PRKN: variants seen among roughly 807,000 people sequenced by gnomAD.
The protein encoded by PRKN is parkin RBR E3 ubiquitin protein ligase.
Under a neutral mutation model 59.5 loss-of-function variants are expected in PRKN, and 56 were observed. That is an observed-to-expected ratio of 0.94 (90% CI 0.76 to 1.18). PRKN has a LOEUF of 1.18. PRKN is among the 50% of genes most tolerant of loss of function. The pLI is 0.00. For synonymous variants in PRKN, 250 were observed against 222.1 expected (o/e 1.13, Z -1.12); for missense variants, 657 against 596.4 (o/e 1.10, Z -1.06).
At chr6:161,687,610 C>A (rs1487944876) in intron 7 of PRKN, among the ~76,000 whole-genome samples, 3 of 150,310 alleles carry the variant, frequency 2.0e-5, no homozygotes, top group African/African-American at 4.9e-5. Flanking sequence ...GCGCGAACCA[C>A]CACGCCCGGC....
intron 3 of PRKN, among the ~76,000 whole-genome samples, chr6:162,220,002 T>C (rs1330510936): frequency 1.3e-5 from 2 of 152,080 alleles, no homozygotes; most frequent in Non-Finnish European, 2.9e-5. Context: ...ATTAAAATTG[T>C]TTCATCAGCA....
Position 161,609,949 on chromosome 6 carries a change from T to C in PRKN, c.872-40533A>G, listed in dbSNP as rs1479795305. Among the ~76,000 whole-genome samples, 6 of 152,198 alleles carry C rather than the reference T, an allele frequency of 3.9e-5. 1 individual carries two copies. The highest frequency in any genetic ancestry group is 3.8e-4 in the East Asian group (2 of 5,198). ...TAATTAGCTATGAGACTGTTCCCCA[T>C]AGTTTACAAAGAAAAGTCATTGATA... On this transcript the variant is annotated intron_variant, in intron 7 of 11. Transcript: ENST00000366898.
intron 2 of PRKN, among the ~76,000 whole-genome samples, chr6:162,394,038 G>A (rs1303213480): frequency 6.6e-6 from 1 of 152,078 alleles, no homozygotes. Flanking sequence ...ATTTTCAAAA[G>A]TATCCAAAAT....
In PRKN at chr6:162,280,296, T is replaced by C. The variant is rs564607174; in HGVS notation, c.172-17531A>G. On this transcript the variant is annotated intron_variant, in intron 2 of 11. Transcript: ENST00000366898. ...TCCTGAATGACTACTGGGTAAGTTATGAAATTAAGGCAGAAATAACAAAGT... is the reference window on the plus strand; with the variant it reads ...TCCTGAATGACTACTGGGTAAGTTACGAAATTAAGGCAGAAATAACAAAGT... Among the ~76,000 whole-genome samples, 23 of 152,192 alleles carry C rather than the reference T, an allele frequency of 1.5e-4. No individual in the cohort carries two copies. In the South Asian group the frequency reaches 4.6e-3, roughly 30 times the overall value.
intron 1 of PRKN, among the ~76,000 whole-genome samples, chr6:162,720,317 G>T (rs1028181802): frequency 1.3e-5 from 2 of 152,062 alleles, no homozygotes; most frequent in African/African-American, 2.4e-5. Context: ...CCAAAGTTAA[G>T]GGCTCTCATG....
chr6:162,455,671 C>T (rs187401749), intron 1 of PRKN, among the ~76,000 whole-genome samples: 2 of 152,190 alleles, frequency 1.3e-5, no homozygotes, highest in East Asian at 3.9e-4. Context: ...CTCCTATTGG[C>T]TGTCTGATTT....
At chr6:161,738,722 C>T (rs945657116) in intron 7 of PRKN, among the ~76,000 whole-genome samples, 1 of 152,094 alleles carries the variant, frequency 6.6e-6, no homozygotes, top group African/African-American at 2.4e-5. Context: ...GTTCTACATC[C>T]GTCTTAGACC....
chr6:162,256,673 G>T (rs1478981218), intron 3 of PRKN, among the ~76,000 whole-genome samples: 1 of 152,158 alleles, frequency 6.6e-6, no homozygotes, highest in Non-Finnish European at 1.5e-5. Flanking sequence ...AAGAGTAAAA[G>T]ATGTAAATGA....
At chr6:162,428,637 T>C (rs952298636) in intron 2 of PRKN, among the ~76,000 whole-genome samples, 4 of 152,176 alleles carry the variant, frequency 2.6e-5, no homozygotes, top group African/African-American at 9.7e-5. Flanking sequence ...CAATTTTCTC[T>C]TTCCCTTGCA....
chr6:162,669,797 T>C (rs951082223), intron 1 of PRKN, among the ~76,000 whole-genome samples: 1 of 152,200 alleles, frequency 6.6e-6, no homozygotes, highest in Non-Finnish European at 1.5e-5. Flanking sequence ...TGGAATTCCA[T>C]AATCTCTTAC....
chr6:162,658,182 T>A (rs1778724370), intron 1 of PRKN, among the ~76,000 whole-genome samples: 2 of 152,182 alleles, frequency 1.3e-5, no homozygotes. Context: ...TTTCTTACAA[T>A]ATATTCTACT....
intron 2 of PRKN, among the ~76,000 whole-genome samples, chr6:162,427,608 CA>C (rs1477202087): frequency 6.6e-6 from 1 of 151,296 alleles, no homozygotes; most frequent in Admixed American, 6.6e-5. Context: ...TGCAAATTAG[CA>C]GTATTCCATA....
chr6:161,559,657 T>C (rs923219179), intron 8 of PRKN, among the ~76,000 whole-genome samples: 2 of 152,148 alleles, frequency 1.3e-5, no homozygotes, highest in African/African-American at 2.4e-5. Context: ...GCTTATTCTC[T>C]AGAAGCTCTT....
chr6:162,183,830 CT>C (rs1239071655), intron 4 of PRKN, among the ~76,000 whole-genome samples: 5 of 152,264 alleles, frequency 3.3e-5, no homozygotes, highest in African/African-American at 1.2e-4. Context: ...AGCCAAGTAA[CT>C]TTTTTCCAGC....
intron 1 of PRKN, among the ~76,000 whole-genome samples, chr6:162,648,809 T>C (rs1309010728): frequency 6.6e-6 from 1 of 152,230 alleles, no homozygotes; most frequent in Non-Finnish European, 1.5e-5. Flanking sequence ...AGCTGGGCTC[T>C]GGTGCTCAGT....
intron 6 of PRKN, among the ~76,000 whole-genome samples, chr6:161,854,843 G>T (rs970403270): frequency 1.3e-5 from 2 of 152,056 alleles, no homozygotes; most frequent in Non-Finnish European, 2.9e-5. Flanking sequence ...CCAGCAGTCT[G>T]GGAGGCCGAG....
intron 1 of PRKN, among the ~76,000 whole-genome samples, chr6:162,696,496 AGATACTGGATTC>A (rs1262738284): frequency 1.3e-5 from 2 of 151,290 alleles, no homozygotes; most frequent in Non-Finnish European, 1.5e-5. Flanking sequence ...TGAGGAAATT[AGATACTGGATTC>A]GATACTGGAT....
intron 4 of PRKN, among the ~76,000 whole-genome samples, chr6:162,107,493 C>T (rs1274605043): frequency 2.6e-5 from 4 of 151,924 alleles, no homozygotes; most frequent in African/African-American, 9.7e-5. Flanking sequence ...AAAAGTTGTA[C>T]CAAGTAGTGG....
chr6:161,515,172 C>T lies in PRKN; in HGVS notation c.1083+33682G>A, dbSNP rs1778541545. 1.3e-5 allele frequency among the ~76,000 whole-genome samples: 2 copies of T among 152,346 alleles called. 1 individual carries two copies. The highest frequency in any genetic ancestry group is 4.8e-5 in the African/African-American group (2 of 41,588). The stretch of plus-strand genomic sequence containing the variant: ...CTTTTATTGTTACACCTTCCTCCAA[C>T]TGCATCTACTGAACATCTATTATAT... On this transcript the variant is annotated intron_variant, in intron 9 of 11. Coordinates refer to ENST00000366898, the MANE Select transcript of PRKN (RefSeq NM_004562.3).
Sources: gnomAD v4.1 joint callset for allele counts (sites outside exome capture counted in the v4.1 genomes callset) on GRCh38, gnomAD v4.1.1 for gene constraint, MANE v1.5 for transcripts, NCBI Gene and HGNC (gene_info 2026-07-23, HGNC 2026-07-21) for gene names.